The following DPYD variants were observed in gnomAD, a reference collection of about 807,000 sequenced individuals.
DPYD encodes dihydropyrimidine dehydrogenase, also known as dihydropyrimidine dehydrogenase [NADP(+)].
DPYD carries 109 observed loss-of-function variants against 116.2 expected under a neutral mutation model. The ratio of observed to expected loss-of-function variants is 0.94; its 90% CI spans 0.80 to 1.10. The LOEUF (loss-of-function observed/expected upper bound fraction) is 1.10. Ranked by LOEUF, DPYD falls within the 50% of genes least tolerant of loss-of-function variation. DPYD has a pLI of 0.00. For missense variants in DPYD, 1,302 were observed against 1,254.5 expected, an observed-to-expected ratio of 1.04 and a Z score of -0.57; for synonymous variants, 440 against 432.0, an observed-to-expected ratio of 1.02 and a Z score of -0.23.
At chr1:97,649,189 T>G (rs1658440025) in intron 8 of DPYD, among the ~76,000 whole-genome samples, 1 of 152,060 alleles carries the variant, frequency 6.6e-6, no homozygotes, top group Non-Finnish European at 1.5e-5. Flanking sequence ...CAATTTTTAG[T>G]CTTTAATTAA....
Position 97,505,106 on chromosome 1 carries a change from C to T in DPYD, c.1740+10620G>A, listed in dbSNP as rs570362156. On this transcript the variant is annotated intron_variant, in intron 13 of 22. Transcript: ENST00000370192. ...AAGGTATAGACGATGCAAACATAAACCTGGTGATAAAACCAGTTTTGTCAG... is the reference window on the plus strand; with the variant it reads ...AAGGTATAGACGATGCAAACATAAATCTGGTGATAAAACCAGTTTTGTCAG... Among the ~76,000 whole-genome samples, 8 of 151,960 alleles carry T rather than the reference C, an allele frequency of 5.3e-5. No individual in the cohort carries two copies. The East Asian group carries it at 1.6e-3, about 30-fold the overall frequency.
chr1:97,152,437 CAT>C (rs1365604346), intron 20 of DPYD, among the ~76,000 whole-genome samples: 11 of 124,060 alleles, frequency 8.9e-5, no homozygotes, highest in African/African-American at 3.2e-4. Context: ...GGCTGAATCA[CAT>C]ACACACACAC....
intron 14 of DPYD, among the ~76,000 whole-genome samples, chr1:97,421,921 A>C (rs1352029751): frequency 1.3e-5 from 2 of 152,168 alleles, no homozygotes; most frequent in African/African-American, 2.4e-5. Flanking sequence ...ATAGTCAGGC[A>C]TATAAAGCGC....
At chr1:97,611,902 C>A (rs1252869684) in intron 8 of DPYD, among the ~76,000 whole-genome samples, 1 of 152,006 alleles carries the variant, frequency 6.6e-6, no homozygotes, top group Non-Finnish European at 1.5e-5. Context: ...TATTCTGATT[C>A]ATTCATTCAT....
chr1:97,891,421 A>AG (rs1672769821), intron 1 of DPYD, among the ~76,000 whole-genome samples: 1 of 6,822 alleles, frequency 1.5e-4, no homozygotes, highest in Non-Finnish European at 0.02. Context: ...TTCCAGACGC[A>AG]GAAAAAAAAA....
intron 2 of DPYD, among the ~76,000 whole-genome samples, chr1:97,864,399 G>A (rs1312964212): frequency 1.3e-5 from 2 of 151,872 alleles, no homozygotes; most frequent in Non-Finnish European, 2.9e-5. Context: ...AAACATATTT[G>A]AATGGTGATT....
chr1:97,440,672 T>C (rs1675732251), intron 14 of DPYD, among the ~76,000 whole-genome samples: 1 of 152,190 alleles, frequency 6.6e-6, no homozygotes, highest in Non-Finnish European at 1.5e-5. Flanking sequence ...TAGTTGTACA[T>C]TTAGCTTTAT....
intron 8 of DPYD, among the ~76,000 whole-genome samples, chr1:97,618,979 T>G (rs1463334914): frequency 2.6e-5 from 4 of 152,212 alleles, no homozygotes; most frequent in African/African-American, 7.2e-5. Flanking sequence ...GTAATCTTGG[T>G]GAAGATGTTT....
At chr1:97,164,233 A>G (rs1243178597) in intron 20 of DPYD, among the ~76,000 whole-genome samples, 1 of 152,190 alleles carries the variant, frequency 6.6e-6, no homozygotes, top group Non-Finnish European at 1.5e-5. Flanking sequence ...ACTTCCCTTT[A>G]TGTTTAAAAC....
intron 13 of DPYD, among the ~76,000 whole-genome samples, chr1:97,490,490 A>G (rs1421681878): frequency 7.0e-6 from 1 of 142,388 alleles, no homozygotes; most frequent in Non-Finnish European, 1.5e-5. Context: ...TTGTGTTATA[A>G]TTACTAATAA....
intron 2 of DPYD, among the ~76,000 whole-genome samples, chr1:97,854,633 C>G (rs1363276716): frequency 6.6e-6 from 1 of 152,154 alleles, no homozygotes; most frequent in Non-Finnish European, 1.5e-5. Flanking sequence ...ATTGCTGATA[C>G]GTGAAAAGTT....
At position 97,615,953 on chromosome 1, in the gene DPYD, G is replaced by A. The variant is rs570691972; in HGVS notation, c.851-20787C>T. Reference sequence around the variant, plus strand: ...TGCCCTTCCTTCCCTCCTTTGCCTGGCTTCCATTTACCTTGATCCTTATGA... The same window carrying A: ...TGCCCTTCCTTCCCTCCTTTGCCTGACTTCCATTTACCTTGATCCTTATGA... On this transcript the variant is annotated intron_variant, in intron 8 of 22. Coordinates refer to ENST00000370192, the MANE Select transcript of DPYD (RefSeq NM_000110.4). Among the ~76,000 whole-genome samples, 3 of 151,940 alleles carry A rather than the reference G, an allele frequency of 2.0e-5. No individual in the cohort carries two copies. The East Asian group carries it at 5.8e-4, about 29-fold the overall frequency.
At chr1:97,256,564 T>G (rs181365125) in intron 18 of DPYD, among the ~76,000 whole-genome samples, 214 of 152,218 alleles carry the variant, frequency 1.4e-3, no homozygotes, top group African/African-American at 5.0e-3. Flanking sequence ...AGATGTGACT[T>G]GCTCCTCCTT....
chr1:97,713,959 C>A (rs1571234484), intron 5 of DPYD, among the ~76,000 whole-genome samples: 1 of 151,994 alleles, frequency 6.6e-6, no homozygotes, highest in East Asian at 1.9e-4. Context: ...TTATAAATGA[C>A]CTGCAAAAAG....
At chr1:97,128,788 GT>G (rs1174034236) in intron 20 of DPYD, among the ~76,000 whole-genome samples, 3 of 151,974 alleles carry the variant, frequency 2.0e-5, no homozygotes, top group Non-Finnish European at 2.9e-5. Context: ...GGGTATTTTT[GT>G]TTTTTGCTTT....
chr1:97,607,184 A>C (rs2100738765), intron 8 of DPYD, among the ~76,000 whole-genome samples: 1 of 152,116 alleles, frequency 6.6e-6, no homozygotes, highest in Non-Finnish European at 1.5e-5. Context: ...GCAGAAGAAT[A>C]AAAATATAAT....
intron 13 of DPYD, among the ~76,000 whole-genome samples, chr1:97,454,896 A>G (rs540810299): frequency 1.4e-4 from 21 of 151,942 alleles, no homozygotes; most frequent in Non-Finnish European, 2.4e-4. Flanking sequence ...TTGGATGAAA[A>G]CAAGAAATAA....
At chr1:97,774,504 C>G (rs1666298995) in intron 3 of DPYD, among the ~76,000 whole-genome samples, 2 of 152,140 alleles carry the variant, frequency 1.3e-5, no homozygotes, top group South Asian at 2.1e-4. Context: ...AATCAGACCA[C>G]CTGTAGAGGT....
chr1:97,502,492 A>G (rs1384363245), intron 13 of DPYD, among the ~76,000 whole-genome samples: 4 of 152,010 alleles, frequency 2.6e-5, no homozygotes, highest in African/African-American at 9.7e-5. Flanking sequence ...TGATTTGTAC[A>G]AAGATTCTGG....
Sources: gnomAD v4.1 joint callset for allele counts (sites outside exome capture counted in the v4.1 genomes callset) on GRCh38, gnomAD v4.1.1 for gene constraint, MANE v1.5 for transcripts, NCBI Gene and HGNC (gene_info 2026-07-23, HGNC 2026-07-21) for gene names.